Variants in KCNQ1OT1 observed in about 807,000 individuals in gnomAD.
KCNQ1OT1 encodes KCNQ1 antisense RNA 2 (non-protein coding).
chr11:2,647,696 T>G lies in KCNQ1OT1; in HGVS notation n.52299A>C, dbSNP rs1332787846. 5.0e-6 allele frequency: 2 copies of G among 398,404 alleles called. No individual in the cohort carries two copies. Among genetic ancestry groups the G allele is most frequent in the Non-Finnish European group, 8.8e-6 (2 of 226,056 alleles). 24.7% of individuals were successfully genotyped at this position (398,404 alleles called of 1,614,324 possible). A position where few individuals can be genotyped will look rare whatever the true frequency, so the allele number is the denominator to read the frequency against. ...TTCCTTGTTATTGCTCTGTTCAGAT[T>G]TTTTTTCTTCCTGGTTCAATCTTGG... is the stretch of plus-strand genomic sequence containing the variant. On this transcript the variant is annotated non_coding_transcript_exon_variant, in exon 1 of 1. Coordinates refer to ENST00000597346, the Ensembl canonical transcript of KCNQ1OT1. This position sits in a 1 kb window ranked among gnomAD's most constrained non-coding sequence, Gnocchi z 4.0.
rs746893339 is a variant in KCNQ1OT1, at chr11:2,653,172, C to T, written n.46823G>A. The T allele has an allele frequency of 1.5e-5, 6 of 398,620 alleles. No individual in the cohort carries two copies. The highest frequency in any genetic ancestry group is 2.2e-5 in the Non-Finnish European group (5 of 226,114). The allele number at this position is 398,620 out of a possible 1,614,324, so 24.7% of individuals were successfully genotyped here. A position where few individuals can be genotyped will look rare whatever the true frequency, so the allele number is the denominator to read the frequency against. ...GCCAATGTCCCACCTTAGGAAATCC[C>T]TTTCCAAGAGTTCCCTGTGCTGTTG... On this transcript the variant is annotated non_coding_transcript_exon_variant, in exon 1 of 1. Coordinates refer to ENST00000597346, the Ensembl canonical transcript of KCNQ1OT1. The surrounding 1 kb of genome is among the most constrained non-coding windows in gnomAD (Gnocchi z 5.3).
At position 2,658,228 on chromosome 11, in the gene KCNQ1OT1, T is replaced by A. The variant is rs1849886636; in HGVS notation, n.41767A>T. ...TTCAGCATTCATTCATGGATCGTTT[T>A]CCTGCAGCAAATATTACCGTGATGT... is the stretch of plus-strand genomic sequence containing the variant. On this transcript the variant is annotated non_coding_transcript_exon_variant, in exon 1 of 1. Transcript: ENST00000597346. The surrounding 1 kb of genome is among the most constrained non-coding windows in gnomAD (Gnocchi z 4.9). 2.5e-6 allele frequency: 1 copy of A among 398,636 alleles called. No homozygotes were observed. The allele number at this position is 398,636 out of a possible 1,614,324, so 24.7% of individuals were successfully genotyped here. A position where few individuals can be genotyped will look rare whatever the true frequency, so the allele number is the denominator to read the frequency against.
exon 1 of KCNQ1OT1, chr11:2,648,379 C>T: frequency 2.5e-6 from 1 of 398,542 alleles, no homozygotes; most frequent in Non-Finnish European, 4.4e-6. Flanking sequence ...TGTTTAAAAA[C>T]TTTCTACCTT....
At chr11:2,697,637 T>G in exon 1 of KCNQ1OT1, 1 of 398,570 alleles carries the variant, frequency 2.5e-6, no homozygotes, top group Non-Finnish European at 4.4e-6. Context: ...AACCATATGG[T>G]TTTTCTCCTG....
Position 2,617,022 on chromosome 11 carries a change from C to T in KCNQ1OT1, n.82973G>A, listed in dbSNP as rs181241162. On this transcript the variant is annotated non_coding_transcript_exon_variant, in exon 1 of 1. Transcript: ENST00000597346. The surrounding 1 kb of genome is among the most constrained non-coding windows in gnomAD (Gnocchi z 4.6). Reference sequence around the variant, plus strand: ...TAGTGTATAAAACATACAGTTAAATCGTTAACATAGTGATGCAAATTAATA... The same window carrying T: ...TAGTGTATAAAACATACAGTTAAATTGTTAACATAGTGATGCAAATTAATA... The T allele has an allele frequency of 1.0e-5, 4 of 397,560 alleles. No homozygotes were observed. Among genetic ancestry groups the T allele is most frequent in the Admixed American group, 4.4e-5 (1 of 22,656 alleles). 24.6% of individuals were successfully genotyped at this position (397,560 alleles called of 1,614,324 possible).
In KCNQ1OT1 at chr11:2,676,139, G is replaced by A. The variant is rs536025600; in HGVS notation, n.23856C>T. The A allele has an allele frequency of 1.3e-5, 5 of 398,602 alleles. No homozygotes were observed. The highest frequency in any genetic ancestry group is 2.1e-5 in the African/African-American group (1 of 48,740). 24.7% of individuals were successfully genotyped at this position (398,602 alleles called of 1,614,324 possible). A position where few individuals can be genotyped will look rare whatever the true frequency, so the allele number is the denominator to read the frequency against. The stretch of plus-strand genomic sequence containing the variant: ...ACGGCTCCTTTTTATACAAATGGTA[G>A]CATACTGTATGTATTTTTCTACACT... On this transcript the variant is annotated non_coding_transcript_exon_variant, in exon 1 of 1. Coordinates refer to ENST00000597346, the Ensembl canonical transcript of KCNQ1OT1. This position sits in a 1 kb window ranked among gnomAD's most constrained non-coding sequence, Gnocchi z 4.2.
rs1849160311 is a variant in KCNQ1OT1, at chr11:2,620,948, G to GTTTTGT, written n.79046_79047insACAAAA. On this transcript the variant is annotated non_coding_transcript_exon_variant, in exon 1 of 1. Transcript: ENST00000597346. This position sits in a 1 kb window ranked among gnomAD's most constrained non-coding sequence, Gnocchi z 4.5. Reference sequence around the variant, plus strand: ...TTTTTTGTTGTTGTTGTTTTGTTTTGTTTTTTTTTGTCTGTTTTTTGCTTT... The same window carrying GTTTTGT: ...TTTTTTGTTGTTGTTGTTTTGTTTTGTTTTGTTTTTTTTTTGTCTGTTTTTTGCTTT... 2.9e-6 allele frequency: 1 copy of GTTTTGT among 343,498 alleles called. No individual in the cohort carries two copies. The highest frequency in any genetic ancestry group is 2.1e-5 in the African/African-American group (1 of 46,826). 21.3% of individuals were successfully genotyped at this position (343,498 alleles called of 1,614,324 possible). A position where few individuals can be genotyped will look rare whatever the true frequency, so the allele number is the denominator to read the frequency against.
At position 2,619,255 on chromosome 11, in the gene KCNQ1OT1, G is replaced by T. The variant is rs564678727; in HGVS notation, n.80740C>A. ...GAGTGGGCATCCTTGCCTTGTACTG[G>T]TTCATAGTAGAAGGGCTTCTGTTTT... On this transcript the variant is annotated non_coding_transcript_exon_variant, in exon 1 of 1. Transcript: ENST00000597346. The T allele has an allele frequency of 8.5e-4, 340 of 398,490 alleles. 1 individual carries two copies. The highest frequency in any genetic ancestry group is 4.4e-3 in the Middle Eastern group (7 of 1,584). The allele number at this position is 398,490 out of a possible 1,614,324, so 24.7% of individuals were successfully genotyped here. A position where few individuals can be genotyped will look rare whatever the true frequency, so the allele number is the denominator to read the frequency against.
At chr11:2,660,156 A>C (rs747230391) in exon 1 of KCNQ1OT1, 13 of 398,248 alleles carry the variant, frequency 3.3e-5, no homozygotes, top group Non-Finnish European at 5.8e-5. Flanking sequence ...TGTTTTCTTC[A>C]AGATATTTTA....
rs1590012665 is a variant in KCNQ1OT1, at chr11:2,659,534, A to G, written n.40461T>C. 5.0e-6 allele frequency: 2 copies of G among 398,522 alleles called. No homozygotes were observed. The highest frequency in any genetic ancestry group is 7.1e-5 in the East Asian group (2 of 28,048). The allele number at this position is 398,522 out of a possible 1,614,324, so 24.7% of individuals were successfully genotyped here. A position where few individuals can be genotyped will look rare whatever the true frequency, so the allele number is the denominator to read the frequency against. ...GAAGGACATCTTCATTGTTTCCAGT[A>G]TTTGGTAATTATGAGCAGAGTTACT... On this transcript the variant is annotated non_coding_transcript_exon_variant, in exon 1 of 1. Transcript: ENST00000597346. The surrounding 1 kb of genome is among the most constrained non-coding windows in gnomAD (Gnocchi z 4.3).
exon 1 of KCNQ1OT1, chr11:2,672,030 G>A (rs923428179): frequency 7.5e-6 from 3 of 398,524 alleles, no homozygotes; most frequent in African/African-American, 2.1e-5. Flanking sequence ...TCCCTACCCT[G>A]GCCCGGTCTG....
rs1391484814 is a variant in KCNQ1OT1, at chr11:2,627,098, C to G, written n.72897G>C. 3 of 398,358 alleles carry G rather than the reference C, an allele frequency of 7.5e-6. No individual in the cohort carries two copies. The highest frequency in any genetic ancestry group is 3.6e-5 in the East Asian group (1 of 28,072). The allele number at this position is 398,358 out of a possible 1,614,324, so 24.7% of individuals were successfully genotyped here. On this transcript the variant is annotated non_coding_transcript_exon_variant, in exon 1 of 1. Transcript: ENST00000597346. The surrounding 1 kb of genome is among the most constrained non-coding windows in gnomAD (Gnocchi z 4.9). Reference sequence around the variant, plus strand: ...TTATGTCTACTTTAATTTCTTTCAGCATTGTTTTGTAATTTTCATTGTACA... The same window carrying G: ...TTATGTCTACTTTAATTTCTTTCAGGATTGTTTTGTAATTTTCATTGTACA...
In KCNQ1OT1 at chr11:2,687,942, C is replaced by T. The variant is rs1224810975; in HGVS notation, n.12053G>A. The T allele has an allele frequency of 7.5e-6, 3 of 398,634 alleles. No individual in the cohort carries two copies. Among genetic ancestry groups the T allele is most frequent in the East Asian group, 3.6e-5 (1 of 28,080 alleles). The allele number at this position is 398,634 out of a possible 1,614,324, so 24.7% of individuals were successfully genotyped here. On this transcript the variant is annotated non_coding_transcript_exon_variant, in exon 1 of 1. Coordinates refer to ENST00000597346, the Ensembl canonical transcript of KCNQ1OT1. This position sits in a 1 kb window ranked among gnomAD's most constrained non-coding sequence, Gnocchi z 5.0. ...GTTGTGAGGCTGCACTTCTCCCACC[C>T]GCTGTGGGTCAGCCAGGCCGCTGCT...
exon 1 of KCNQ1OT1, chr11:2,641,219 T>C (rs1220440313): frequency 3.8e-5 from 15 of 398,336 alleles, no homozygotes; most frequent in Admixed American, 1.3e-4. Flanking sequence ...ATATTTCTCT[T>C]TTTAGGTTTT....
chr11:2,688,234 T>C (rs1332127131), exon 1 of KCNQ1OT1: 1 of 398,652 alleles, frequency 2.5e-6, no homozygotes, highest in Non-Finnish European at 4.4e-6. Context: ...TAGCCACTCA[T>C]ACAGGGCTGT....
At position 2,663,045 on chromosome 11, in the gene KCNQ1OT1, G is replaced by A. The variant is rs1564849724; in HGVS notation, n.36950C>T. ...ACCCATGGTGCTGGGGGCTGCAGGT[G>A]TAACCAGAGAACTGGCAGGGTTGGG... is the stretch of plus-strand genomic sequence containing the variant. On this transcript the variant is annotated non_coding_transcript_exon_variant, in exon 1 of 1. Coordinates refer to ENST00000597346, the Ensembl canonical transcript of KCNQ1OT1. The surrounding 1 kb of genome is among the most constrained non-coding windows in gnomAD (Gnocchi z 5.2). 2.5e-6 allele frequency: 1 copy of A among 398,810 alleles called. No homozygotes were observed. The highest frequency in any genetic ancestry group is 4.4e-6 in the Non-Finnish European group (1 of 226,190). 24.7% of individuals were successfully genotyped at this position (398,810 alleles called of 1,614,324 possible).
At chr11:2,667,031 A>T (rs1850085967) in exon 1 of KCNQ1OT1, 2 of 398,660 alleles carry the variant, frequency 5.0e-6, no homozygotes, top group Non-Finnish European at 4.4e-6. Context: ...AGAGCCCCAC[A>T]TAGCCCCAGC....
rs1342084610 is a variant in KCNQ1OT1, at chr11:2,673,819, C to G, written n.26176G>C. 1 of 398,562 alleles carries G rather than the reference C, an allele frequency of 2.5e-6. No individual in the cohort carries two copies. The highest frequency in any genetic ancestry group is 4.4e-6 in the Non-Finnish European group (1 of 226,158). 24.7% of individuals were successfully genotyped at this position (398,562 alleles called of 1,614,324 possible). A position where few individuals can be genotyped will look rare whatever the true frequency, so the allele number is the denominator to read the frequency against. On this transcript the variant is annotated non_coding_transcript_exon_variant, in exon 1 of 1. Transcript: ENST00000597346. This position sits in a 1 kb window ranked among gnomAD's most constrained non-coding sequence, Gnocchi z 4.5. ...CAGTGATGGCCCTTCAATCCCAGGC[C>G]CACAAGCACCACAGCCAGGAGAGTC...
chr11:2,682,069 G>T lies in KCNQ1OT1; in HGVS notation n.17926C>A. On this transcript the variant is annotated non_coding_transcript_exon_variant, in exon 1 of 1. Coordinates refer to ENST00000597346, the Ensembl canonical transcript of KCNQ1OT1. This position sits in a 1 kb window ranked among gnomAD's most constrained non-coding sequence, Gnocchi z 5.8. ...ATAGATAATCTCCTAAGGGTTGAGG[G>T]ATTGAGTCTAGGGCCCAGGGTCACA... is the stretch of plus-strand genomic sequence containing the variant. 2.5e-6 allele frequency: 1 copy of T among 398,576 alleles called. No homozygotes were observed. The allele number at this position is 398,576 out of a possible 1,614,324, so 24.7% of individuals were successfully genotyped here.
Sources: allele counts gnomAD v4.1 joint callset, GRCh38; gene constraint gnomAD v4.1.1; non-coding constraint Gnocchi (gnomAD v3.1); transcripts MANE v1.5; gene names NCBI Gene and HGNC (gene_info 2026-07-23, HGNC 2026-07-21).